The following NEGR1 variants were observed in gnomAD, a reference collection of about 807,000 sequenced individuals.
The protein encoded by NEGR1 is neuronal growth regulator 1.
A neutral mutation model predicts 40.9 loss-of-function variants in NEGR1; 10 were observed. The ratio of observed to expected loss-of-function variants is 0.24; its 90% CI spans 0.15 to 0.42. The LOEUF (loss-of-function observed/expected upper bound fraction) is 0.42. NEGR1 is among the 10% of genes least tolerant of loss of function. The pLI, the probability that NEGR1 is intolerant of heterozygous loss-of-function variation, is 1.00. For missense variants in NEGR1, 352 were observed against 438.9 expected (o/e 0.80, Z 1.77); for synonymous variants, 185 against 166.8 (o/e 1.11, Z -0.84).
chr1:71,874,010 G>A (rs2101835921), intron 2 of NEGR1, among the ~76,000 whole-genome samples: 1 of 152,240 alleles, frequency 6.6e-6, no homozygotes, highest in Non-Finnish European at 1.5e-5. Flanking sequence ...CTGAAAGAGT[G>A]CTTCGATTTG....
intron 4 of NEGR1, among the ~76,000 whole-genome samples, chr1:71,657,067 G>T (rs951827332): frequency 1.3e-5 from 2 of 152,116 alleles, no homozygotes; most frequent in Non-Finnish European, 2.9e-5. Context: ...GGAACCCCAT[G>T]GACCACTGTA....
intron 1 of NEGR1, among the ~76,000 whole-genome samples, chr1:72,143,930 T>A (rs111922233): frequency 7.1e-6 from 1 of 140,506 alleles, no homozygotes; most frequent in Non-Finnish European, 1.5e-5. Flanking sequence ...TATATATATA[T>A]ATATATATAT....
intron 1 of NEGR1, among the ~76,000 whole-genome samples, chr1:72,170,819 G>A (rs1384471118): frequency 5.3e-5 from 8 of 152,142 alleles, no homozygotes; most frequent in Admixed American, 3.3e-4. Flanking sequence ...TAGATGTGCA[G>A]TCCTTTAAAT....
At chr1:71,691,748 T>A (rs1653289051) in intron 4 of NEGR1, among the ~76,000 whole-genome samples, 1 of 151,768 alleles carries the variant, frequency 6.6e-6, no homozygotes, top group African/African-American at 2.4e-5. Flanking sequence ...TTAACCTTCT[T>A]TTCTGTTTTG....
chr1:72,263,802 C>A (rs1473021475), intron 1 of NEGR1, among the ~76,000 whole-genome samples: 1 of 150,718 alleles, frequency 6.6e-6, no homozygotes, highest in Non-Finnish European at 1.5e-5. Flanking sequence ...GATAAACAAA[C>A]AAAAAAAATT....
intron 4 of NEGR1, among the ~76,000 whole-genome samples, chr1:71,665,417 T>C (rs1652210702): frequency 6.6e-6 from 1 of 152,188 alleles, no homozygotes; most frequent in African/African-American, 2.4e-5. Flanking sequence ...AGATTTCTAT[T>C]AAGCCTGTGC....
intron 1 of NEGR1, among the ~76,000 whole-genome samples, chr1:72,148,102 G>T (rs1286633494): frequency 6.6e-6 from 1 of 151,998 alleles, no homozygotes; most frequent in African/African-American, 2.4e-5. Flanking sequence ...TACCACAGTA[G>T]AGACTCTGTG....
At chr1:71,599,197 A>C (rs1179489549) in intron 5 of NEGR1, among the ~76,000 whole-genome samples, 1 of 152,230 alleles carries the variant, frequency 6.6e-6, no homozygotes, top group African/African-American at 2.4e-5. Flanking sequence ...TGCAGTAGGC[A>C]CTAGATTATG....
chr1:71,940,042 G>A, intron 1 of NEGR1, among the ~76,000 whole-genome samples: 1 of 152,232 alleles, frequency 6.6e-6, no homozygotes, highest in African/African-American at 2.4e-5. Flanking sequence ...GGGACTACCT[G>A]TTTAGAATGG....
intron 1 of NEGR1, among the ~76,000 whole-genome samples, chr1:71,996,617 C>T (rs940136689): frequency 6.6e-6 from 1 of 152,086 alleles, no homozygotes; most frequent in Non-Finnish European, 1.5e-5. Context: ...GCTGTCAAGG[C>T]TACTTCCTCA....
At chr1:71,787,345 A>G (rs1306250545) in intron 2 of NEGR1, among the ~76,000 whole-genome samples, 1 of 152,228 alleles carries the variant, frequency 6.6e-6, no homozygotes, top group African/African-American at 2.4e-5. Context: ...CATGATGGCC[A>G]AGGCCCTGAT....
At chr1:71,593,073 G>T (rs3795698) in intron 5 of NEGR1, 105 bp from the exon 6 acceptor site, 12,542 of 662,418 alleles carry the variant, frequency 0.019, 490 homozygotes, top group African/African-American at 0.1. Flanking sequence ...ATTCAACTAC[G>T]CTGACGTTAG....
chr1:71,801,948 A>C (rs190392184), intron 2 of NEGR1, among the ~76,000 whole-genome samples: 126 of 152,334 alleles, frequency 8.3e-4, no homozygotes, highest in Non-Finnish European at 1.4e-3. Context: ...AAATATGAAC[A>C]CTAAAGGTGC....
intron 6 of NEGR1, chr1:71,489,913 A>T (rs1351626184): frequency 1.3e-5 from 2 of 151,958 alleles, no homozygotes; most frequent in Non-Finnish European, 2.9e-5. Context: ...CACTTGCTGG[A>T]GAGAAAAAAA....
intron 2 of NEGR1, among the ~76,000 whole-genome samples, chr1:71,904,044 A>T (rs1661212521): frequency 6.6e-6 from 1 of 151,788 alleles, no homozygotes; most frequent in Non-Finnish European, 1.5e-5. Flanking sequence ...CCATGTAATC[A>T]CTCTGTTACA....
At chr1:72,194,538 A>G (rs1652933703) in intron 1 of NEGR1, among the ~76,000 whole-genome samples, 1 of 151,972 alleles carries the variant, frequency 6.6e-6, no homozygotes, top group African/African-American at 2.4e-5. Context: ...AAATAGGCTT[A>G]AACATTTTAC....
intron 2 of NEGR1, among the ~76,000 whole-genome samples, chr1:71,926,867 T>C (rs1304457139): frequency 6.6e-6 from 1 of 152,154 alleles, no homozygotes; most frequent in African/African-American, 2.4e-5. Context: ...CTTAGGAATA[T>C]ATGATCTATA....
In NEGR1 at chr1:71,413,126, G is replaced by C. The variant is rs1200851666; in HGVS notation, c.941-5556C>G. On this transcript the variant is annotated intron_variant, in intron 6 of 6. Coordinates refer to ENST00000357731, the MANE Select transcript of NEGR1 (RefSeq NM_173808.3). ...AAGTTTCTTAACTTTGCTGAGTTCAGTATCTTCATTTGCAAATGAGGATTG... is the reference window on the plus strand; with the variant it reads ...AAGTTTCTTAACTTTGCTGAGTTCACTATCTTCATTTGCAAATGAGGATTG... Among the ~76,000 whole-genome samples the C allele has an allele frequency of 3.3e-5, 5 of 152,266 alleles. No homozygotes were observed. In the East Asian group the frequency reaches 9.7e-4, roughly 29 times the overall value.
chr1:71,568,564 A>G (rs1383933538), intron 6 of NEGR1, among the ~76,000 whole-genome samples: 1 of 152,176 alleles, frequency 6.6e-6, no homozygotes, highest in Non-Finnish European at 1.5e-5. Flanking sequence ...CTGGTTGAGT[A>G]TTGAATTTCC....
Sources: allele counts gnomAD v4.1 joint callset (sites outside exome capture counted in the v4.1 genomes callset), GRCh38; gene constraint gnomAD v4.1.1; transcripts MANE v1.5; gene names NCBI Gene and HGNC (gene_info 2026-07-23, HGNC 2026-07-21).